ANKS3: variants seen among roughly 807,000 people sequenced by gnomAD.
The protein encoded by ANKS3 is ankyrin repeat and sterile alpha motif domain containing 3, also known as ankyrin repeat and SAM domain-containing protein 3.
A neutral mutation model predicts 80.7 loss-of-function variants in ANKS3; 62 were observed. The observed-to-expected ratio is 0.77, with a 90% CI of 0.63 to 0.95. The LOEUF (loss-of-function observed/expected upper bound fraction) is 0.95. Among genes scored for constraint, ANKS3 ranks in the 40% least tolerant of loss-of-function variants. The pLI is 0.00. For missense variants in ANKS3, 1,150 were observed against 883.6 expected, an observed-to-expected ratio of 1.30 and a Z score of -3.82; for synonymous variants, 489 against 355.3, an observed-to-expected ratio of 1.38 and a Z score of -4.23.
chr16:4,698,725 C>G, intron 13 of ANKS3, 75 bp downstream of exon 13: 1 of 1,550,326 alleles, frequency 6.5e-7, no homozygotes, highest in South Asian at 1.2e-5. Flanking sequence ...CCACACAGCA[C>G]CCACCTTTTC....
chr16:4,717,115 G>A (rs1251560204), intron 6 of ANKS3, among the ~76,000 whole-genome samples: 3 of 151,062 alleles, frequency 2.0e-5, no homozygotes, highest in African/African-American at 7.3e-5. Flanking sequence ...GGTGGCACAC[G>A]TCTGTACTCC....
intron 16 of ANKS3, 31 bp from the exon 17 acceptor site, chr16:4,697,135 G>T (rs841215): frequency 1.9e-6 from 3 of 1,606,194 alleles, no homozygotes; most frequent in Non-Finnish European, 2.6e-6. Context: ...GCCTCTCCCG[G>T]CCAGGCTCAG....
rs902977365 is a variant in ANKS3 at position 4,696,760 on chromosome 16, C to T, written c.*148G>A. Reference sequence around the variant, plus strand: ...CAGGGCCGCAGCCCCCGTCTTGCCTCTGTCTGCCGGCTGCTCCCGGGGCCT... The same window carrying T: ...CAGGGCCGCAGCCCCCGTCTTGCCTTTGTCTGCCGGCTGCTCCCGGGGCCT... On this transcript the variant is annotated 3_prime_UTR_variant, in exon 18 of 18. Coordinates refer to ENST00000304283, the MANE Select transcript of ANKS3 (RefSeq NM_133450.4). 3.4e-5 allele frequency: 19 copies of T among 550,924 alleles called. No individual in the cohort carries two copies. Among genetic ancestry groups the T allele is most frequent in the Non-Finnish European group, 5.2e-5 (16 of 305,790 alleles). The allele number at this position is 550,924 out of a possible 1,614,324, so 34.1% of individuals were successfully genotyped here.
At chr16:4,732,614 G>A (rs1213176452) in intron 1 of ANKS3, among the ~76,000 whole-genome samples, 1 of 137,694 alleles carries the variant, frequency 7.3e-6, no homozygotes, top group Non-Finnish European at 1.5e-5. Flanking sequence ...CCTGGGAGGC[G>A]ATTGCAGTGA....
chr16:4,727,199 T>C (rs1285810278), intron 3 of ANKS3, 22 bp from the exon 4 acceptor site: 2 of 1,611,762 alleles, frequency 1.2e-6, no homozygotes, highest in East Asian at 2.2e-5. Flanking sequence ...CAAGATATGC[T>C]AGACATGGCC....
intron 8 of ANKS3, 118 bp from the exon 9 acceptor site, chr16:4,702,360 G>A: frequency 1.8e-6 from 2 of 1,094,352 alleles, no homozygotes; most frequent in Non-Finnish European, 2.4e-6. Flanking sequence ...ACTTGCCCCT[G>A]CGACCTGGCA....
At chr16:4,720,572 A>G (rs1257317654) in intron 6 of ANKS3, among the ~76,000 whole-genome samples, 8 of 151,390 alleles carry the variant, frequency 5.3e-5, no homozygotes, top group African/African-American at 9.7e-5. Context: ...CTCACACAAC[A>G]AAGACTCTAC....
At chr16:4,707,406 C>T (rs781142759) in intron 7 of ANKS3, among the ~76,000 whole-genome samples, 2 of 151,914 alleles carry the variant, frequency 1.3e-5, no homozygotes, top group Non-Finnish European at 1.5e-5. Flanking sequence ...CTCAGCCTCC[C>T]GAGTAGCTGG....
intron 7 of ANKS3, among the ~76,000 whole-genome samples, chr16:4,707,570 T>C (rs2080266239): frequency 6.6e-6 from 1 of 152,036 alleles, no homozygotes. Flanking sequence ...GTATGGGCCA[T>C]GCCCAGCCAG....
chr16:4,702,948 A>C (rs1233042202), intron 8 of ANKS3, among the ~76,000 whole-genome samples: 3 of 152,176 alleles, frequency 2.0e-5, no homozygotes, highest in African/African-American at 7.2e-5. Context: ...GCCTTCAGTG[A>C]GCTATGATCG....
At chr16:4,703,220 C>T (rs2080012861) in intron 8 of ANKS3, among the ~76,000 whole-genome samples, 1 of 152,186 alleles carries the variant, frequency 6.6e-6, no homozygotes, top group Admixed American at 6.5e-5. Context: ...TCAAGCAATC[C>T]TTCCACCTCA....
chr16:4,733,052 G>A (rs998152489), intron 1 of ANKS3, among the ~76,000 whole-genome samples: 1 of 151,924 alleles, frequency 6.6e-6, no homozygotes, highest in Non-Finnish European at 1.5e-5. Context: ...ATAGAAAGTA[G>A]AAGGATGGTT....
chr16:4,731,882 C>G (rs2081636288), intron 1 of ANKS3, among the ~76,000 whole-genome samples: 1 of 152,112 alleles, frequency 6.6e-6, no homozygotes, highest in African/African-American at 2.4e-5. Flanking sequence ...AGGTCATCAG[C>G]TTCCTAGTAG....
chr16:4,714,415 G>C, intron 6 of ANKS3: 2 of 595,642 alleles, frequency 3.4e-6, no homozygotes, highest in Non-Finnish European at 5.7e-6. Flanking sequence ...GGGCTGGGGA[G>C]TCATCTCCCA....
chr16:4,730,266 G>T, intron 2 of ANKS3, 115 bp from the exon 3 acceptor site: 1 of 994,182 alleles, frequency 1.0e-6, no homozygotes, highest in Non-Finnish European at 1.3e-6. Flanking sequence ...ACCCAGTGCA[G>T]TCAACCCCGG....
chr16:4,714,990 C>CAAAAAAAAAAAAAAAAAAAAA (rs753327026), intron 6 of ANKS3, among the ~76,000 whole-genome samples: 2 of 36,626 alleles, frequency 5.5e-5, no homozygotes, highest in African/African-American at 3.0e-4. Context: ...GACTCTGTCT[C>CAAAAAAAAAAAAAAAAAAAAA]AAAAAAAAAA....
rs1313765971 is a variant in ANKS3, at chr16:4,701,112, C to G, written c.1142G>C (p.Ser381Thr). ...SNEDSDHACK[S>T]SARKQAKSYM... The stretch of plus-strand genomic sequence containing the variant: ...ACTTTTAGCTTGTTTGCGAGCTGAG[C>G]TTTTACAGGCATGATCCGAGTCCTG... The change falls in exon 11 of 18, where the codon AGC becomes ACC. Residue 381 changes from serine (S) to threonine (T), a missense_variant. Ser to Thr is a moderately conservative substitution (Grantham distance 58). Coordinates refer to ENST00000304283, the MANE Select transcript of ANKS3 (RefSeq NM_133450.4). 1 of 1,613,860 alleles carries G rather than the reference C, an allele frequency of 6.2e-7. No homozygotes were observed. Among genetic ancestry groups the G allele is most frequent in the Admixed American group, 1.7e-5 (1 of 59,996 alleles).
chr16:4,703,094 G>A (rs2080003932), intron 8 of ANKS3, among the ~76,000 whole-genome samples: 1 of 152,176 alleles, frequency 6.6e-6, no homozygotes, highest in Non-Finnish European at 1.5e-5. Flanking sequence ...TTTCTAATCA[G>A]CACATGCTAT....
chr16:4,721,617 G>GATTGATTT (rs2081100858), intron 6 of ANKS3, among the ~76,000 whole-genome samples: 2 of 89,760 alleles, frequency 2.2e-5, no homozygotes, highest in African/African-American at 3.0e-5. Context: ...TCTCTTTATT[G>GATTGATTT]ATTTATTGAT....
Sources: allele counts gnomAD v4.1 joint callset (sites outside exome capture counted in the v4.1 genomes callset), GRCh38; gene constraint gnomAD v4.1.1; transcripts MANE v1.5; gene names NCBI Gene and HGNC (gene_info 2026-07-23, HGNC 2026-07-21).